GRIN2D: variants seen among roughly 807,000 people sequenced by gnomAD.
GRIN2D encodes the protein glutamate ionotropic receptor NMDA type subunit 2D.
In GRIN2D, 37 loss-of-function variants were observed where a neutral mutation model predicts 103.2. The ratio of observed to expected loss-of-function variants is 0.36; its 90% CI spans 0.28 to 0.47. GRIN2D has a LOEUF of 0.47. Ranked by LOEUF, GRIN2D falls within the 20% of genes least tolerant of loss-of-function variation. GRIN2D has a pLI of 1.00. For synonymous variants in GRIN2D, 845 were observed against 885.6 expected (o/e 0.95, Z 0.81); for missense variants, 1,557 against 1,910.6 (o/e 0.81, Z 3.45).
In GRIN2D at chr19:48,443,618, C is replaced by A; in HGVS notation, c.3692C>A (p.Ser1231Ter). 2 of 1,077,010 alleles carry A rather than the reference C, an allele frequency of 1.9e-6. No homozygotes were observed. The highest frequency in any genetic ancestry group is 8.6e-5 in the South Asian group (2 of 23,132). The allele number at this position is 1,077,010 out of a possible 1,614,324, so 66.7% of individuals were successfully genotyped here. ...CGGGCCCGCTGCGGGTGCCCGCGGT[C>A]GCACCCGCACCGCCCGCGGGCCTCG... is the stretch of plus-strand genomic sequence containing the variant. Reference protein sequence around the residue: ...RRRARCGCPRSHPHRPRASHR... With the variant: ...RRRARCGCPR The change falls in exon 14 of 14, where the codon TCG becomes TAG. Residue 1231 changes from serine to a stop codon, truncating the protein, a stop_gained. Transcript: ENST00000263269. LOFTEE classifies it high-confidence loss of function. The surrounding 1 kb of genome is among the most constrained non-coding windows in gnomAD (Gnocchi z 8.9).
chr19:48,404,494 A>G (rs993849279), intron 3 of GRIN2D, among the ~76,000 whole-genome samples: 5 of 152,150 alleles, frequency 3.3e-5, no homozygotes, highest in East Asian at 1.9e-4. Context: ...TTCTGTCTCA[A>G]AAAAACAAAA....
intron 11 of GRIN2D, among the ~76,000 whole-genome samples, chr19:48,439,319 C>A (rs1971265810): frequency 6.6e-6 from 1 of 151,976 alleles, no homozygotes; most frequent in Non-Finnish European, 1.5e-5. Flanking sequence ...AAGCATTTAT[C>A]TCATACCACA....
chr19:48,428,017 C>T (rs1445855075), intron 11 of GRIN2D, among the ~76,000 whole-genome samples: 3 of 150,472 alleles, frequency 2.0e-5, no homozygotes, highest in African/African-American at 7.4e-5. Context: ...ATCATCTTCC[C>T]TCTGTTTGTG....
In GRIN2D at chr19:48,442,503, A is replaced by G; in HGVS notation, c.2674-97A>G. ...GATAGTGGGGAAGAGAGCGGGAAAC[A>G]CAGGCGGGTAAATGGAGAGGAGAGA... On this transcript the variant is annotated intron_variant, in intron 13 of 13. Coordinates refer to ENST00000263269, the MANE Select transcript of GRIN2D (RefSeq NM_000836.4). The surrounding 1 kb of genome is among the most constrained non-coding windows in gnomAD (Gnocchi z 7.2). The G allele has an allele frequency of 6.7e-7, 1 of 1,496,652 alleles. No homozygotes were observed. Among genetic ancestry groups the G allele is most frequent in the South Asian group, 1.3e-5 (1 of 78,234 alleles). The allele number at this position is 1,496,652 out of a possible 1,614,324, so 92.7% of individuals were successfully genotyped here. A position where few individuals can be genotyped will look rare whatever the true frequency, so the allele number is the denominator to read the frequency against.
chr19:48,405,270 G>A lies in GRIN2D; in HGVS notation c.1002G>A (p.Leu334=), dbSNP rs1190944236. The A allele has an allele frequency of 1.2e-6, 2 of 1,600,034 alleles. No individual in the cohort carries two copies. The highest frequency in any genetic ancestry group is 1.3e-5 in the African/African-American group (1 of 74,816). Residue 334 remains leucine (L), a synonymous_variant, in exon 4 of 14, where the codon CTG becomes CTA. Coordinates refer to ENST00000263269, the MANE Select transcript of GRIN2D (RefSeq NM_000836.4). This position sits in a 1 kb window ranked among gnomAD's most constrained non-coding sequence, Gnocchi z 5.1. ...VAVVARGAQA[L]LRDYGFLPEL... is the part of the protein sequence containing the mutation. ...TAGTGGCCAGAGGTGCCCAGGCCCT[G>A]CTGCGTGATTATGGTTTCCTTCCTG...
chr19:48,412,461 GAA>G (rs1184599801), intron 4 of GRIN2D, among the ~76,000 whole-genome samples: 3 of 149,680 alleles, frequency 2.0e-5, no homozygotes, highest in East Asian at 2.0e-4. Flanking sequence ...AAGAAAGAAA[GAA>G]AGAAAGAAAG....
intron 11 of GRIN2D, among the ~76,000 whole-genome samples, chr19:48,430,050 C>G (rs1189772498): frequency 6.6e-6 from 1 of 152,164 alleles, no homozygotes; most frequent in Non-Finnish European, 1.5e-5. Flanking sequence ...AAGACATACT[C>G]ATACTCTTAT....
chr19:48,405,624 T>TTA lies in GRIN2D; in HGVS notation c.1085+274_1085+275dup, dbSNP rs1970783090. Among the ~76,000 whole-genome samples, 1 of 152,252 alleles carries TTA rather than the reference T, an allele frequency of 6.6e-6. No homozygotes were observed. The highest frequency in any genetic ancestry group is 1.5e-5 in the Non-Finnish European group (1 of 68,048). On this transcript the variant is annotated intron_variant, in intron 4 of 13. Transcript: ENST00000263269. This position sits in a 1 kb window ranked among gnomAD's most constrained non-coding sequence, Gnocchi z 5.1. The stretch of plus-strand genomic sequence containing the variant: ...AATGTCTTTGAAAACGAGATGTGTC[T>TTA]TATAATTGATGACTTATCATGGCTT...
rs1971349878 is a variant in GRIN2D at position 48,444,084 on chromosome 19, GT to G, written c.*149del. 1 of 482,490 alleles carries G rather than the reference GT, an allele frequency of 2.1e-6. No homozygotes were observed. The allele number at this position is 482,490 out of a possible 1,614,324, so 29.9% of individuals were successfully genotyped here. A position where few individuals can be genotyped will look rare whatever the true frequency, so the allele number is the denominator to read the frequency against. ...CTGGAGCAGCGTCCTGCGCCCCCTG[GT>G]TCTGGAGGAACCGCAAGCCGGAGAG... On this transcript the variant is annotated 3_prime_UTR_variant, in exon 14 of 14. Transcript: ENST00000263269. The surrounding 1 kb of genome is among the most constrained non-coding windows in gnomAD (Gnocchi z 5.5).
Position 48,414,753 on chromosome 19 carries a change from A to G in GRIN2D, c.1413-111A>G. The G allele has an allele frequency of 7.4e-7, 1 of 1,346,618 alleles. No homozygotes were observed. Among genetic ancestry groups the G allele is most frequent in the Non-Finnish European group, 1.0e-6 (1 of 973,706 alleles). 83.4% of individuals were successfully genotyped at this position (1,346,618 alleles called of 1,614,324 possible). A position where few individuals can be genotyped will look rare whatever the true frequency, so the allele number is the denominator to read the frequency against. ...TCTTTGAGCCTGAGTTTCCCCTGAA[A>G]GCGCTAACCATAGTTTTAGCTGCCG... On this transcript the variant is annotated intron_variant, in intron 6 of 13. Transcript: ENST00000263269. The surrounding 1 kb of genome is among the most constrained non-coding windows in gnomAD (Gnocchi z 4.6).
Position 48,442,770 on chromosome 19 carries a change from C to G in GRIN2D, c.2844C>G (p.Gly948=). The change falls in exon 14 of 14, where the codon GGC becomes GGG. Residue 948 remains glycine, a synonymous_variant. Coordinates refer to ENST00000263269, the MANE Select transcript of GRIN2D (RefSeq NM_000836.4). The surrounding 1 kb of genome is among the most constrained non-coding windows in gnomAD (Gnocchi z 7.2). The part of the protein sequence containing the change: ...ASVDRWRRTK[G]AGPPGGAGLA... ...TGGACCGCTGGCGCCGGACCAAGGGCGCGGGGCCGCCGGGGGGCGCGGGCC... is the reference window on the plus strand; with the variant it reads ...TGGACCGCTGGCGCCGGACCAAGGGGGCGGGGCCGCCGGGGGGCGCGGGCC... The G allele has an allele frequency of 9.4e-7, 1 of 1,069,244 alleles. No homozygotes were observed. Among genetic ancestry groups the G allele is most frequent in the Middle Eastern group, 4.4e-4 (1 of 2,296 alleles). The allele number at this position is 1,069,244 out of a possible 1,614,324, so 66.2% of individuals were successfully genotyped here. A position where few individuals can be genotyped will look rare whatever the true frequency, so the allele number is the denominator to read the frequency against.
chr19:48,396,154 C>T (rs1371278416), intron 2 of GRIN2D, among the ~76,000 whole-genome samples: 2 of 151,692 alleles, frequency 1.3e-5, no homozygotes, highest in Admixed American at 6.6e-5. Flanking sequence ...GAAACGGAGG[C>T]TCATGAGGAG....
chr19:48,400,354 T>C (rs1456957596), intron 3 of GRIN2D, among the ~76,000 whole-genome samples: 2 of 152,184 alleles, frequency 1.3e-5, no homozygotes, highest in Non-Finnish European at 2.9e-5. Flanking sequence ...TGTGACTGCA[T>C]CACTGTTGTA....
intron 11 of GRIN2D, among the ~76,000 whole-genome samples, chr19:48,422,818 G>T (rs1600984176): frequency 6.6e-6 from 1 of 152,122 alleles, no homozygotes; most frequent in Non-Finnish European, 1.5e-5. Context: ...GAGGCCAGGC[G>T]CAGTAGCTCA....
At position 48,410,680 on chromosome 19, in the gene GRIN2D, T is replaced by C. The variant is rs543492331; in HGVS notation, c.1086-3311T>C. Among the ~76,000 whole-genome samples the C allele has an allele frequency of 1.5e-4, 22 of 151,684 alleles. No individual in the cohort carries two copies. In the East Asian group the frequency reaches 4.3e-3, roughly 30 times the overall value. Reference sequence around the variant, plus strand: ...AGACGGGTGGCGTGAGTTTTGGGTATAGAAAGACGCCTCTGGGACCTGGTG... The same window carrying C: ...AGACGGGTGGCGTGAGTTTTGGGTACAGAAAGACGCCTCTGGGACCTGGTG... On this transcript the variant is annotated intron_variant, in intron 4 of 13. Transcript: ENST00000263269.
chr19:48,397,038 G>A (rs1910337554), intron 2 of GRIN2D, among the ~76,000 whole-genome samples: 1 of 152,124 alleles, frequency 6.6e-6, no homozygotes, highest in Non-Finnish European at 1.5e-5. Flanking sequence ...CAGGAAGAGA[G>A]GCTGTATTTC....
chr19:48,443,078 A>G lies in GRIN2D; in HGVS notation c.3152A>G (p.Glu1051Gly). ...VGPPLCRLAF[E>G]DESPPAPARW... Reference sequence around the variant, plus strand: ...CCGCCACTCTGCCGCTTGGCCTTCGAGGACGAGAGCCCGCCGGCGCCCGCG... The same window carrying G: ...CCGCCACTCTGCCGCTTGGCCTTCGGGGACGAGAGCCCGCCGGCGCCCGCG... The change falls in exon 14 of 14, where the codon GAG (glutamate) becomes GGG (glycine). Residue 1051 changes from glutamate (E) to glycine (G), a missense_variant. This residue lies in a region of GRIN2D where 632 missense variants were observed against 572.8 expected (regional missense o/e 1.10). Coordinates refer to ENST00000263269, the MANE Select transcript of GRIN2D (RefSeq NM_000836.4). The surrounding 1 kb of genome is among the most constrained non-coding windows in gnomAD (Gnocchi z 8.9). 9.7e-7 allele frequency: 1 copy of G among 1,032,324 alleles called. No individual in the cohort carries two copies. The highest frequency in any genetic ancestry group is 1.2e-6 in the Non-Finnish European group (1 of 859,788). The allele number at this position is 1,032,324 out of a possible 1,614,324, so 63.9% of individuals were successfully genotyped here.
intron 8 of GRIN2D, among the ~76,000 whole-genome samples, chr19:48,418,107 C>CCT (rs1970970465): frequency 6.7e-6 from 1 of 149,560 alleles, no homozygotes; most frequent in African/African-American, 2.5e-5. Flanking sequence ...GATCTCAGCT[C>CCT]ACTGCAACCT....
At position 48,404,764 on chromosome 19, in the gene GRIN2D, T is replaced by C; in HGVS notation, c.496T>C (p.Ser166Pro). 1 of 1,611,226 alleles carries C rather than the reference T, an allele frequency of 6.2e-7. No individual in the cohort carries two copies. ...GGGCTCCACCTTCCTGCAGCTGGGC[T>C]CTTCCACCGAGCAACAGCTTCAGGT... is the stretch of plus-strand genomic sequence containing the variant. ...EKGSTFLQLGSSTEQQLQVIF... is the reference protein window; with the variant it reads ...EKGSTFLQLGPSTEQQLQVIF... The change falls in exon 4 of 14, where the codon TCT (serine) becomes CCT (proline). Residue 166 changes from serine to proline, a missense_variant. Physicochemically the swap from Ser to Pro is moderately conservative, Grantham distance 74. Around this residue, in one of 7 missense-constraint regions of GRIN2D, gnomAD observed 490 missense variants for 601.1 expected, o/e 0.82. Coordinates refer to ENST00000263269, the MANE Select transcript of GRIN2D (RefSeq NM_000836.4).
Sources: allele counts gnomAD v4.1 joint callset (sites outside exome capture counted in the v4.1 genomes callset), GRCh38; gene constraint gnomAD v4.1.1; regional missense constraint gnomAD v4.1.1; non-coding constraint Gnocchi (gnomAD v3.1); transcripts MANE v1.5; gene names NCBI Gene and HGNC (gene_info 2026-07-23, HGNC 2026-07-21).